Variants in DNAJC24 observed in about 807,000 individuals in gnomAD.
DNAJC24 encodes dnaJ homolog subfamily C member 24.
DNAJC24 carries 17 observed loss-of-function variants against 18.0 expected under a neutral mutation model. The observed-to-expected ratio is 0.94, with a 90% confidence interval of 0.65 to 1.42. The LOEUF (loss-of-function observed/expected upper bound fraction) is 1.42, where lower values mean the gene tolerates loss of function less well. DNAJC24 is among the 40% of genes most tolerant of loss of function. DNAJC24 has a pLI of 0.00. For synonymous variants in DNAJC24, 55 were observed against 57.7 expected (o/e 0.95, Z 0.21); for missense variants, 158 against 175.6 (o/e 0.90, Z 0.57).
chr11:31,408,735 T>G (rs1952678270), intron 2 of DNAJC24, among the ~76,000 whole-genome samples: 1 of 152,214 alleles, frequency 6.6e-6, no homozygotes, highest in Non-Finnish European at 1.5e-5. Flanking sequence ...GTTTTTCTTA[T>G]TCTCAATGAA....
At chr11:31,377,274 G>A (rs1284296175) in intron 2 of DNAJC24, among the ~76,000 whole-genome samples, 2 of 151,998 alleles carry the variant, frequency 1.3e-5, no homozygotes, top group Non-Finnish European at 2.9e-5. Context: ...AGTAAATACT[G>A]TTTCCTTATT....
At chr11:31,421,888 C>A (rs1303263236) in intron 3 of DNAJC24, 6 of 389,786 alleles carry the variant, frequency 1.5e-5, no homozygotes, top group Non-Finnish European at 2.5e-5. Flanking sequence ...CTTTACTGAA[C>A]CAAGCTGCTA....
chr11:31,383,851 T>G (rs940653110), intron 2 of DNAJC24, among the ~76,000 whole-genome samples: 2 of 152,242 alleles, frequency 1.3e-5, no homozygotes, highest in African/African-American at 2.4e-5. Context: ...CCGTTTCAGC[T>G]TTTTTGTTTT....
intron 2 of DNAJC24, among the ~76,000 whole-genome samples, chr11:31,409,499 A>G (rs530964917): frequency 1.5e-4 from 23 of 152,336 alleles, no homozygotes; most frequent in Non-Finnish European, 2.9e-4. Flanking sequence ...GTAATCATAC[A>G]GTATGTACTT....
intron 2 of DNAJC24, among the ~76,000 whole-genome samples, chr11:31,378,502 G>A (rs1952341525): frequency 3.3e-5 from 5 of 152,088 alleles, no homozygotes. Flanking sequence ...TCTGCAAAGT[G>A]CAATATCATT....
intron 3 of DNAJC24, among the ~76,000 whole-genome samples, chr11:31,417,927 A>G (rs190186770): frequency 2.8e-4 from 43 of 152,206 alleles, no homozygotes; most frequent in Admixed American, 2.4e-3. Flanking sequence ...TCCAATAAAG[A>G]AAAAGTAATA....
At chr11:31,374,331 T>A (rs1322860994) in intron 2 of DNAJC24, 2 of 156,590 alleles carry the variant, frequency 1.3e-5, no homozygotes, top group Non-Finnish European at 2.9e-5. Context: ...GATCCTTTTT[T>A]TTTTTGCATT....
intron 2 of DNAJC24, among the ~76,000 whole-genome samples, chr11:31,407,700 A>AT (rs1451363011): frequency 0.059 from 5,928 of 100,416 alleles, 105 homozygotes; most frequent in Non-Finnish European, 0.084. Context: ...AAAAAAAAAA[A>AT]AAAAAAATAT....
chr11:31,375,557 G>C (rs893548808), intron 2 of DNAJC24, among the ~76,000 whole-genome samples: 4 of 134,730 alleles, frequency 3.0e-5, no homozygotes, highest in African/African-American at 1.0e-4. Context: ...AGTTATAGGA[G>C]AGTTTGAATA....
At chr11:31,410,745 G>C (rs572800159) in intron 2 of DNAJC24, among the ~76,000 whole-genome samples, 1 of 152,066 alleles carries the variant, frequency 6.6e-6, no homozygotes, top group Non-Finnish European at 1.5e-5. Context: ...CAGTTGTTTC[G>C]AAACAATTTG....
intron 2 of DNAJC24, among the ~76,000 whole-genome samples, chr11:31,375,355 G>C (rs1952303255): frequency 7.4e-6 from 1 of 135,316 alleles, no homozygotes; most frequent in African/African-American, 2.5e-5. Context: ...CCAGCTCCCT[G>C]CCATGTCTTT....
intron 2 of DNAJC24, among the ~76,000 whole-genome samples, chr11:31,405,704 C>G (rs1481292622): frequency 6.6e-6 from 1 of 152,066 alleles, no homozygotes; most frequent in Non-Finnish European, 1.5e-5. Context: ...GTCCTCCCGC[C>G]TCAGCATCCC....
At chr11:31,420,895 C>G (rs1952797695) in intron 3 of DNAJC24, among the ~76,000 whole-genome samples, 1 of 152,088 alleles carries the variant, frequency 6.6e-6, no homozygotes, top group Non-Finnish European at 1.5e-5. Context: ...GCTGTTTTAC[C>G]TGTTTTATAG....
chr11:31,410,523 T>C (rs962864358), intron 2 of DNAJC24, among the ~76,000 whole-genome samples: 1 of 152,212 alleles, frequency 6.6e-6, no homozygotes, highest in African/African-American at 2.4e-5. Flanking sequence ...GAGCAGAAGG[T>C]TTTAAAATTT....
At chr11:31,398,517 C>G (rs547433469) in intron 2 of DNAJC24, among the ~76,000 whole-genome samples, 1 of 152,180 alleles carries the variant, frequency 6.6e-6, no homozygotes, top group Non-Finnish European at 1.5e-5. Context: ...AACATTTCTG[C>G]AAATAAAAGA....
At chr11:31,416,736 G>A (rs941477193) in intron 3 of DNAJC24, 4 of 152,100 alleles carry the variant, frequency 2.6e-5, no homozygotes, top group Admixed American at 6.6e-5. Context: ...ACAGGGTGGG[G>A]TAGGCCAGAA....
intron 2 of DNAJC24, among the ~76,000 whole-genome samples, chr11:31,406,396 AAAT>A (rs1346378925): frequency 2.0e-5 from 3 of 152,238 alleles, no homozygotes; most frequent in Non-Finnish European, 4.4e-5. Flanking sequence ...CTTTTGGGGA[AAAT>A]ATTAAACACA....
In DNAJC24 at chr11:31,409,954, C is replaced by T. The variant is rs1952691718; in HGVS notation, c.112-4857C>T. Among the ~76,000 whole-genome samples, 4 of 151,098 alleles carry T rather than the reference C, an allele frequency of 2.6e-5. No homozygotes were observed. In the South Asian group the frequency reaches 6.3e-4, roughly 24 times the overall value. The stretch of plus-strand genomic sequence containing the variant: ...GGCTGGAGTGCAGTGGCATCATCTC[C>T]GCTCACTGCAACCTCTACCTCCCCA... On this transcript the variant is annotated intron_variant, in intron 2 of 4. Transcript: ENST00000465995.
At chr11:31,418,909 C>A (rs1225301765) in intron 3 of DNAJC24, among the ~76,000 whole-genome samples, 1 of 151,956 alleles carries the variant, frequency 6.6e-6, no homozygotes, top group African/African-American at 2.4e-5. Flanking sequence ...GAAATATAAG[C>A]AAATCTTAAA....
Sources: allele counts gnomAD v4.1 joint callset (sites outside exome capture counted in the v4.1 genomes callset), GRCh38; gene constraint gnomAD v4.1.1; transcripts MANE v1.5; gene names NCBI Gene and HGNC (gene_info 2026-07-23, HGNC 2026-07-21).